Variants in CREB1 observed in about 807,000 individuals in gnomAD.
The protein encoded by CREB1 is cAMP responsive element binding protein 1.
CREB1 carries 2 observed loss-of-function variants against 42.0 expected under a neutral mutation model. That is an observed-to-expected ratio of 0.05 (90% confidence interval 0.02 to 0.15). The LOEUF is 0.15. Among genes scored for constraint, CREB1 ranks in the 10% least tolerant of loss-of-function variants. The pLI is 1.00. For synonymous variants in CREB1, 123 were observed against 139.9 expected (o/e 0.88, Z 0.85); for missense variants, 199 against 388.9 (o/e 0.51, Z 4.11).
intron 1 of CREB1, among the ~76,000 whole-genome samples, chr2:207,544,817 C>T (rs961516292): frequency 3.3e-5 from 5 of 152,094 alleles, no homozygotes; most frequent in South Asian, 2.1e-4. Flanking sequence ...TGAGAACATG[C>T]GGTATTTGGT....
In CREB1 at chr2:207,575,469, A is replaced by G. The variant is rs771343913; in HGVS notation, c.688+15A>G. 1.4e-5 allele frequency: 22 copies of G among 1,587,340 alleles called. No homozygotes were observed. Among genetic ancestry groups the G allele is most frequent in the Non-Finnish European group, 1.9e-5 (22 of 1,161,024 alleles). On this transcript the variant is annotated intron_variant, in intron 6 of 7. Transcript: ENST00000353267. ...TGTTGTTCAAGGTAAGGGAATTCAG[A>G]ATTCACAGGTGTGGTAAATTCTTCA...
intron 4 of CREB1, among the ~76,000 whole-genome samples, chr2:207,569,253 C>T (rs1272590450): frequency 6.6e-6 from 1 of 151,898 alleles, no homozygotes; most frequent in Non-Finnish European, 1.5e-5. Context: ...TAATCTTAAG[C>T]GAGTTTATTT....
intron 1 of CREB1, among the ~76,000 whole-genome samples, chr2:207,530,822 A>C (rs762275130): frequency 1.6e-4 from 24 of 151,520 alleles, no homozygotes; most frequent in Non-Finnish European, 2.8e-4. Flanking sequence ...TCGAAACCCA[A>C]GGTTTCCTCT....
chr2:207,532,822 G>A lies in CREB1; in HGVS notation c.-9+2688G>A, dbSNP rs1021463752. On this transcript the variant is annotated intron_variant, in intron 1 of 7. Transcript: ENST00000353267. ...GCTGGAGTGCAGTGGGCTGGTCTCG[G>A]CTCACTCACTGCAAGCTCCGCCTCC... 3.3e-5 allele frequency among the ~76,000 whole-genome samples: 5 copies of A among 151,846 alleles called. No individual in the cohort carries two copies. The East Asian group carries it at 9.7e-4, about 29-fold the overall frequency.
chr2:207,547,277 G>T (rs926719533), intron 1 of CREB1, among the ~76,000 whole-genome samples: 71 of 152,198 alleles, frequency 4.7e-4, no homozygotes, highest in African/African-American at 1.4e-3. Flanking sequence ...CCATTTGGAT[G>T]TAGTGATTTT....
chr2:207,602,896 C>A lies in CREB1; in HGVS notation c.*5838C>A. The A allele has an allele frequency of 4.6e-6, 1 of 217,316 alleles. No individual in the cohort carries two copies. The highest frequency in any genetic ancestry group is 9.3e-6 in the Non-Finnish European group (1 of 108,072). 13.5% of individuals were successfully genotyped at this position (217,316 alleles called of 1,614,324 possible). ...CATGTCAGTTGTAACTCCCCCACTC[C>A]CTGCAAAAGGAATTATTTCTAACCC... is the stretch of plus-strand genomic sequence containing the variant. On this transcript the variant is annotated 3_prime_UTR_variant, in exon 8 of 8. Transcript: ENST00000353267.
intron 7 of CREB1, chr2:207,581,589 G>C (rs2082964206): frequency 3.3e-6 from 1 of 306,600 alleles, no homozygotes; most frequent in Non-Finnish European, 6.0e-6. Context: ...CAGTACAAAG[G>C]TAAATATACA....
intron 3 of CREB1, among the ~76,000 whole-genome samples, chr2:207,563,165 G>A (rs556311745): frequency 2.6e-5 from 4 of 152,128 alleles, no homozygotes; most frequent in Admixed American, 2.0e-4. Context: ...CATGCAGATC[G>A]AAAGGTTTGG....
chr2:207,565,329 GCTTA>G (rs1373339405), intron 3 of CREB1, among the ~76,000 whole-genome samples: 2 of 152,102 alleles, frequency 1.3e-5, no homozygotes, highest in Non-Finnish European at 2.9e-5. Context: ...TAGCTTCATG[GCTTA>G]CTTCTCTTCA....
Position 207,597,574 on chromosome 2 carries a change from A to C in CREB1, c.*516A>C, listed in dbSNP as rs2106636811. The C allele has an allele frequency of 4.8e-6, 1 of 209,698 alleles. No individual in the cohort carries two copies. Among genetic ancestry groups the C allele is most frequent in the East Asian group, 7.2e-5 (1 of 13,804 alleles). 13.0% of individuals were successfully genotyped at this position (209,698 alleles called of 1,614,324 possible). On this transcript the variant is annotated 3_prime_UTR_variant, in exon 8 of 8. Transcript: ENST00000353267. ...ATTATGTAAAGTTGTTAAGAGACAT[A>C]CCCTCTAAAAAAGAACTTTAGCATG...
chr2:207,577,185 G>C (rs1370539767), intron 6 of CREB1: 3 of 1,084,104 alleles, frequency 2.8e-6, no homozygotes, highest in Admixed American at 9.5e-5. Flanking sequence ...TATCTAGGAA[G>C]ATCATCCAAG....
At chr2:207,547,290 C>T (rs1407241621) in intron 1 of CREB1, among the ~76,000 whole-genome samples, 2 of 152,170 alleles carry the variant, frequency 1.3e-5, no homozygotes, top group South Asian at 2.1e-4. Context: ...GTGATTTTGA[C>T]GTAATCACTT....
At position 207,535,643 on chromosome 2, in the gene CREB1, T is replaced by C. The variant is rs150151025; in HGVS notation, c.-9+5509T>C. Among the ~76,000 whole-genome samples, 322 of 152,232 alleles carry C rather than the reference T, an allele frequency of 2.1e-3. 5 individuals carry two copies. The highest frequency in any genetic ancestry group is 0.017 in the Admixed American group (253 of 15,296). On this transcript the variant is annotated intron_variant, in intron 1 of 7. Transcript: ENST00000353267. Reference sequence around the variant, plus strand: ...ATATGATTGCTGAGATGATAAACTTTACTGCATAGATGATTTTTTTACCCC... The same window carrying C: ...ATATGATTGCTGAGATGATAAACTTCACTGCATAGATGATTTTTTTACCCC...
intron 6 of CREB1, 63 bp downstream of exon 6, chr2:207,575,517 C>A: frequency 1.4e-6 from 2 of 1,407,736 alleles, no homozygotes; most frequent in South Asian, 1.5e-5. Flanking sequence ...TTTATAAACT[C>A]ACAGAAAAAG....
chr2:207,591,497 A>G (rs570258941), intron 7 of CREB1, among the ~76,000 whole-genome samples: 1 of 152,164 alleles, frequency 6.6e-6, no homozygotes, highest in Non-Finnish European at 1.5e-5. Context: ...CAGTGGCACA[A>G]TCTTGGCTCA....
Position 207,598,769 on chromosome 2 carries a change from C to G in CREB1, c.*1711C>G, listed in dbSNP as rs1216350855. 1.2e-5 allele frequency: 2 copies of G among 166,884 alleles called. No homozygotes were observed. The highest frequency in any genetic ancestry group is 2.6e-5 in the Non-Finnish European group (2 of 76,866). 10.3% of individuals were successfully genotyped at this position (166,884 alleles called of 1,614,324 possible). ...GGTTGAGGCAGCAGAATTGCTTGAACCCAGGAGGCAGAGGGTTGCAGTGAG... is the reference window on the plus strand; with the variant it reads ...GGTTGAGGCAGCAGAATTGCTTGAAGCCAGGAGGCAGAGGGTTGCAGTGAG... On this transcript the variant is annotated 3_prime_UTR_variant, in exon 8 of 8. Transcript: ENST00000353267.
chr2:207,569,153 G>A (rs2082255818), intron 4 of CREB1, among the ~76,000 whole-genome samples: 1 of 152,060 alleles, frequency 6.6e-6, no homozygotes, highest in Admixed American at 6.5e-5. Flanking sequence ...ATTGTTTCCA[G>A]TATTTTTTTT....
At chr2:207,591,037 G>T (rs1163706250) in intron 7 of CREB1, among the ~76,000 whole-genome samples, 1 of 152,140 alleles carries the variant, frequency 6.6e-6, no homozygotes, top group African/African-American at 2.4e-5. Flanking sequence ...CTTCCCAGGT[G>T]TTTTATGGCC....
At chr2:207,572,395 C>T (rs2082402713) in intron 5 of CREB1, among the ~76,000 whole-genome samples, 4 of 152,066 alleles carry the variant, frequency 2.6e-5, no homozygotes, top group Admixed American at 2.0e-4. Flanking sequence ...AATACATATA[C>T]AGCAACATTT....
Sources: gnomAD v4.1 joint callset for allele counts (sites outside exome capture counted in the v4.1 genomes callset) on GRCh38, gnomAD v4.1.1 for gene constraint, MANE v1.5 for transcripts, NCBI Gene and HGNC (gene_info 2026-07-23, HGNC 2026-07-21) for gene names.